Variants in SKIL observed in about 807,000 individuals in gnomAD.
SKIL encodes ski-like protein.
A neutral mutation model predicts 69.6 loss-of-function variants in SKIL; 20 were observed. That is an observed-to-expected ratio of 0.29 (90% CI 0.20 to 0.42). The LOEUF is 0.42. Ranked by LOEUF, SKIL falls within the 10% of genes least tolerant of loss-of-function variation. The pLI is 1.00. For missense variants in SKIL, 745 were observed against 783.1 expected, an observed-to-expected ratio of 0.95 and a Z score of 0.58; for synonymous variants, 310 against 279.9, an observed-to-expected ratio of 1.11 and a Z score of -1.08.
rs1332061845 is a variant in SKIL at position 170,395,766 on chromosome 3, A to G, written c.*3349A>G. 3 of 152,120 alleles carry G rather than the reference A, an allele frequency of 2.0e-5. No homozygotes were observed. Among genetic ancestry groups the G allele is most frequent in the Non-Finnish European group, 2.9e-5 (2 of 67,952 alleles). 9.4% of individuals were successfully genotyped at this position (152,120 alleles called of 1,614,324 possible). On this transcript the variant is annotated 3_prime_UTR_variant, in exon 7 of 7. Coordinates refer to ENST00000259119, the MANE Select transcript of SKIL (RefSeq NM_005414.5). The stretch of plus-strand genomic sequence containing the variant: ...TTATGCATTTAATCCACATGATAGG[A>G]CATTAAAAATTAATATAAAGAAAAA...
Position 170,392,366 on chromosome 3 carries a change from A to G in SKIL, c.2004A>G (p.Ile668Met). 1 of 1,612,290 alleles carries G rather than the reference A, an allele frequency of 6.2e-7. No individual in the cohort carries two copies. Among genetic ancestry groups the G allele is most frequent in the Non-Finnish European group, 8.5e-7 (1 of 1,178,498 alleles). Residue 668 changes from isoleucine (I) to methionine (M), a missense_variant, in exon 7 of 7, where the codon ATA becomes ATG. Physicochemically the swap from Ile to Met is conservative, Grantham distance 10 (BLOSUM62 1). Transcript: ENST00000259119. ...CAAGACAGAAGTTAGAGATGATGAT[A>G]AAAGAGCTAAAGCTGCAAATTCTGA... ...REARQKLEMM[I>M]KELKLQILKS...
intron 2 of SKIL, among the ~76,000 whole-genome samples, chr3:170,362,022 G>A (rs1252481027): frequency 2.0e-5 from 3 of 152,062 alleles, no homozygotes; most frequent in African/African-American, 7.2e-5. Flanking sequence ...ATTCCCGTGG[G>A]CTCAAAACAG....
At position 170,360,488 on chromosome 3, in the gene SKIL, C is replaced by G; in HGVS notation, c.157C>G (p.His53Asp). ...CAAGGTGCCAACAGTTAAGAAGGAACACTTGGATGACTATGGAGAAGCACC... is the reference window on the plus strand; with the variant it reads ...CAAGGTGCCAACAGTTAAGAAGGAAGACTTGGATGACTATGGAGAAGCACC... Reference protein sequence around the residue: ...INKVPTVKKEHLDDYGEAPVE... With the variant: ...INKVPTVKKEDLDDYGEAPVE... The change falls in exon 2 of 7, where the codon CAC (histidine) becomes GAC (aspartate). Residue 53 changes from histidine (H) to aspartate (D), a missense_variant. His to Asp is a moderately conservative substitution (Grantham distance 81). Coordinates refer to ENST00000259119, the MANE Select transcript of SKIL (RefSeq NM_005414.5). The G allele has an allele frequency of 6.2e-7, 1 of 1,614,076 alleles. No individual in the cohort carries two copies. The highest frequency in any genetic ancestry group is 8.5e-7 in the Non-Finnish European group (1 of 1,180,008).
chr3:170,385,251 A>C (rs1737558494), intron 4 of SKIL, among the ~76,000 whole-genome samples: 1 of 151,530 alleles, frequency 6.6e-6, no homozygotes, highest in Non-Finnish European at 1.5e-5. Flanking sequence ...CTAATTAAAA[A>C]AAAAAATTTT....
At position 170,391,265 on chromosome 3, in the gene SKIL, GA is replaced by G. The variant is rs1158177693; in HGVS notation, c.1896+7del. 5 of 1,500,774 alleles carry G rather than the reference GA, an allele frequency of 3.3e-6. No homozygotes were observed. Among genetic ancestry groups the G allele is most frequent in the African/African-American group, 1.4e-5 (1 of 71,720 alleles). 93.0% of individuals were successfully genotyped at this position (1,500,774 alleles called of 1,614,324 possible). A position where few individuals can be genotyped will look rare whatever the true frequency, so the allele number is the denominator to read the frequency against. ...GAGGCTGAATATGCAGGACAGGTAAGAATTACTGTTTGTATAATGGTGCCCT... is the reference window on the plus strand; with the variant it reads ...GAGGCTGAATATGCAGGACAGGTAAGATTACTGTTTGTATAATGGTGCCCT... On this transcript the variant is annotated splice_donor_region_variant and intron_variant, in intron 6 of 6. Coordinates refer to ENST00000259119, the MANE Select transcript of SKIL (RefSeq NM_005414.5).
intron 2 of SKIL, among the ~76,000 whole-genome samples, chr3:170,375,721 T>C (rs897389853): frequency 6.6e-6 from 1 of 151,542 alleles, no homozygotes; most frequent in East Asian, 1.9e-4. Context: ...ACTACAGGCA[T>C]GCGTCACCAC....
At position 170,365,512 on chromosome 3, in the gene SKIL, A is replaced by G. The variant is rs117203530; in HGVS notation, c.1098+4083A>G. On this transcript the variant is annotated intron_variant, in intron 2 of 6. Coordinates refer to ENST00000259119, the MANE Select transcript of SKIL (RefSeq NM_005414.5). ...GTGCACATATTCCAGAATCTGAAAA[A>G]ATCAGAAATTCAAAATACTTTTGGT... Among the ~76,000 whole-genome samples, 764 of 152,240 alleles carry G rather than the reference A, an allele frequency of 5.0e-3. 13 individuals carry two copies. Among genetic ancestry groups the G allele is most frequent in the South Asian group, 0.044 (213 of 4,826 alleles).
rs375921429 is a variant in SKIL at position 170,381,244 on chromosome 3, A to G, written c.1099A>G (p.Thr367Ala). The change falls in exon 3 of 7, where the codon ACA becomes GCA. Residue 367 changes from threonine to alanine, a missense_variant and splice_region_variant. Coordinates refer to ENST00000259119, the MANE Select transcript of SKIL (RefSeq NM_005414.5). ...MRSGKRNQSKTDAPSGMELQS... is the reference protein window; with the variant it reads ...MRSGKRNQSKADAPSGMELQS... ...GTTTCCCTTCCATGTTTTTCTGCAGACAGATGCACCATCAGGAATGGAATT... is the reference window on the plus strand; with the variant it reads ...GTTTCCCTTCCATGTTTTTCTGCAGGCAGATGCACCATCAGGAATGGAATT... 3.9e-6 allele frequency: 6 copies of G among 1,528,628 alleles called. No individual in the cohort carries two copies. The African/African-American group carries it at 8.2e-5, about 21-fold the overall frequency. 94.7% of individuals were successfully genotyped at this position (1,528,628 alleles called of 1,614,324 possible).
chr3:170,376,042 C>CT (rs869036195), intron 2 of SKIL, among the ~76,000 whole-genome samples: 2,922 of 89,036 alleles, frequency 0.033, 32 homozygotes, highest in East Asian at 0.042. Context: ...GCTGATTTTC[C>CT]TTTTTTTTTT....
At chr3:170,385,197 C>T (rs544844931) in intron 4 of SKIL, 1 of 153,480 alleles carries the variant, frequency 6.5e-6, no homozygotes, top group Non-Finnish European at 1.4e-5. Context: ...CCCACCTCAC[C>T]CTCCCTAGTA....
intron 2 of SKIL, among the ~76,000 whole-genome samples, chr3:170,369,733 T>C (rs990707106): frequency 6.6e-6 from 1 of 152,154 alleles, no homozygotes; most frequent in Non-Finnish European, 1.5e-5. Flanking sequence ...TTTAGAATTC[T>C]GGGAGTGGAA....
rs1310537612 is a variant in SKIL, at chr3:170,394,850, A to G, written c.*2433A>G. 6.6e-6 allele frequency: 1 copy of G among 152,198 alleles called. No individual in the cohort carries two copies. Among genetic ancestry groups the G allele is most frequent in the African/African-American group, 2.4e-5 (1 of 41,454 alleles). The allele number at this position is 152,198 out of a possible 1,614,324, so 9.4% of individuals were successfully genotyped here. ...ATATAGAGATTTTGTAATACCTTAT[A>G]AGTGGAGTTGGCTAAAATACCTTAT... On this transcript the variant is annotated 3_prime_UTR_variant, in exon 7 of 7. Transcript: ENST00000259119.
intron 3 of SKIL, among the ~76,000 whole-genome samples, chr3:170,382,476 A>T (rs1376585837): frequency 1.4e-5 from 2 of 147,632 alleles, no homozygotes; most frequent in African/African-American, 5.1e-5. Context: ...GTGCAGTGGC[A>T]GGATCTTGGC....
At chr3:170,383,796 C>CT (rs757408324) in intron 3 of SKIL, among the ~76,000 whole-genome samples, 1 of 152,102 alleles carries the variant, frequency 6.6e-6, no homozygotes, top group Non-Finnish European at 1.5e-5. Context: ...GCCTTGCAGT[C>CT]TGCCACTGAA....
intron 4 of SKIL, among the ~76,000 whole-genome samples, chr3:170,385,438 A>G (rs1056540273): frequency 6.6e-5 from 10 of 152,174 alleles, no homozygotes. Context: ...CCATTTAATA[A>G]TAAGAAGTAT....
chr3:170,364,883 G>A (rs1379852454), intron 2 of SKIL, among the ~76,000 whole-genome samples: 1 of 152,032 alleles, frequency 6.6e-6, no homozygotes, highest in African/African-American at 2.4e-5. Context: ...GAAGGTGTGA[G>A]TTTCTTTCTG....
At chr3:170,367,364 T>C (rs755992328) in intron 2 of SKIL, among the ~76,000 whole-genome samples, 7 of 152,100 alleles carry the variant, frequency 4.6e-5, no homozygotes, top group Non-Finnish European at 8.8e-5. Flanking sequence ...CCCAAAGTGC[T>C]AGGATTACAG....
chr3:170,390,129 G>A, intron 4 of SKIL, 94 bp from the exon 5 acceptor site: 1 of 876,546 alleles, frequency 1.1e-6, no homozygotes. Context: ...ATTTATAAAT[G>A]AAATGTTTTA....
In SKIL at chr3:170,360,784, G is replaced by C. The variant is rs772756793; in HGVS notation, c.453G>C (p.Gly151=). ...AACTCACTCAGACTGTGTTGGAAGG[G>C]GAATCTATTTCTTGTTTTCAAGTTG... is the stretch of plus-strand genomic sequence containing the variant. The part of the protein sequence containing the change: ...STELTQTVLE[G]ESISCFQVGG... The change falls in exon 2 of 7, where the codon GGG becomes GGC. Residue 151 remains glycine (G), a synonymous_variant. Transcript: ENST00000259119. 6.2e-7 allele frequency: 1 copy of C among 1,614,160 alleles called. No individual in the cohort carries two copies. The highest frequency in any genetic ancestry group is 1.7e-5 in the Admixed American group (1 of 60,022).
Sources: allele counts gnomAD v4.1 joint callset (sites outside exome capture counted in the v4.1 genomes callset), GRCh38; gene constraint gnomAD v4.1.1; transcripts MANE v1.5; gene names NCBI Gene and HGNC (gene_info 2026-07-23, HGNC 2026-07-21).